The following USP35 variants were observed in gnomAD, a reference collection of about 807,000 sequenced individuals.
USP35 encodes the protein ubiquitin specific peptidase 35.
In USP35, 69 loss-of-function variants were observed where a neutral mutation model predicts 83.8. The observed-to-expected ratio is 0.82, with a 90% CI of 0.68 to 1.01. USP35 has a LOEUF of 1.01. Among genes scored for constraint, USP35 ranks in the 50% least tolerant of loss-of-function variants. The pLI is 0.00. For synonymous variants in USP35, 714 were observed against 589.5 expected (o/e 1.21, Z -3.06); for missense variants, 1,503 against 1,362.5 (o/e 1.10, Z -1.62).
Position 78,196,891 on chromosome 11 carries a change from G to C in USP35, c.646G>C (p.Glu216Gln). ...QPAAILPCLK[E>Q]LFAVISCAEE... The stretch of plus-strand genomic sequence containing the variant: ...CGCCGCCATCCTGCCCTGCCTCAAA[G>C]AGCTGTTCGCAGTCATCTCCTGCGC... Residue 216 changes from glutamate to glutamine, a missense_variant, in exon 2 of 11, where the codon GAG becomes CAG. Glu to Gln is a conservative substitution (Grantham distance 29, BLOSUM62 2). Transcript: ENST00000529308. This position sits in a 1 kb window ranked among gnomAD's most constrained non-coding sequence, Gnocchi z 4.8. 1 of 1,473,598 alleles carries C rather than the reference G, an allele frequency of 6.8e-7. No individual in the cohort carries two copies. Among genetic ancestry groups the C allele is most frequent in the Non-Finnish European group, 9.0e-7 (1 of 1,115,916 alleles). 91.3% of individuals were successfully genotyped at this position (1,473,598 alleles called of 1,614,324 possible).
At chr11:78,207,807 G>T (rs1466898417) in intron 8 of USP35, among the ~76,000 whole-genome samples, 184 bp downstream of exon 8, 2 of 152,230 alleles carry the variant, frequency 1.3e-5, no homozygotes, top group Non-Finnish European at 2.9e-5. Flanking sequence ...GAGAAGGCGG[G>T]CCCCCTTGAG....
chr11:78,214,063 A>G lies in USP35; in HGVS notation c.*250A>G, dbSNP rs544005208. ...TTAACTTGAAGCAGCCGAGATGGGC[A>G]CACACGGGTCTTTGCCTCCCCCTCC... On this transcript the variant is annotated 3_prime_UTR_variant, in exon 11 of 11. Coordinates refer to ENST00000529308, the MANE Select transcript of USP35 (RefSeq NM_020798.4). The G allele has an allele frequency of 3.7e-5, 15 of 403,532 alleles. No individual in the cohort carries two copies. Among genetic ancestry groups the G allele is most frequent in the African/African-American group, 2.9e-4 (14 of 47,924 alleles). 25.0% of individuals were successfully genotyped at this position (403,532 alleles called of 1,614,324 possible). A position where few individuals can be genotyped will look rare whatever the true frequency, so the allele number is the denominator to read the frequency against.
Position 78,209,829 on chromosome 11 carries a change from C to T in USP35, c.1974C>T (p.Tyr658=). 6.2e-7 allele frequency: 1 copy of T among 1,613,488 alleles called. No homozygotes were observed. Among genetic ancestry groups the T allele is most frequent in the Middle Eastern group, 1.6e-4 (1 of 6,062 alleles). ...ITEDTPPTSL[Y]IEGLDSKEAG... Reference sequence around the variant, plus strand: ...AGGACACCCCCCCCACCAGCCTGTACATCGAAGGCCTGGACTCCAAGGAAG... The same window carrying T: ...AGGACACCCCCCCCACCAGCCTGTATATCGAAGGCCTGGACTCCAAGGAAG... Residue 658 remains tyrosine, a synonymous_variant, in exon 10 of 11, where the codon TAC becomes TAT. Transcript: ENST00000529308.
Position 78,196,261 on chromosome 11 carries a change from G to C in USP35, c.16G>C (p.Glu6Gln), listed in dbSNP as rs755091791. Residue 6 changes from glutamate (E) to glutamine (Q), a missense_variant, in exon 2 of 11, where the codon GAG (glutamate) becomes CAG (glutamine). Coordinates refer to ENST00000529308, the MANE Select transcript of USP35 (RefSeq NM_020798.4). This position sits in a 1 kb window ranked among gnomAD's most constrained non-coding sequence, Gnocchi z 4.8. MDKIL[E>Q]AVVTSSYPVS... is the part of the protein sequence containing the mutation. Reference sequence around the variant, plus strand: ...CGCGGGCGCCATGGACAAGATCTTGGAGGCGGTGGTGACGTCGTCATACCC... The same window carrying C: ...CGCGGGCGCCATGGACAAGATCTTGCAGGCGGTGGTGACGTCGTCATACCC... The C allele has an allele frequency of 9.4e-6, 15 of 1,594,786 alleles. No homozygotes were observed. Among genetic ancestry groups the C allele is most frequent in the Non-Finnish European group, 1.3e-5 (15 of 1,177,556 alleles).
At chr11:78,232,296 CT>C in the USP35 span, among the ~76,000 whole-genome samples, 1 of 152,184 alleles carries the variant, frequency 6.6e-6, no homozygotes, top group African/African-American at 2.4e-5. Context: ...AATTTCACTC[CT>C]AGTAACCCTC....
the USP35 span, chr11:78,226,756 A>T: frequency 3.1e-6 from 5 of 1,613,434 alleles, no homozygotes; most frequent in African/African-American, 5.4e-5. Flanking sequence ...AGGTCCCCGA[A>T]CTCCCTGCAC....
At chr11:78,220,378 C>T in the USP35 span, 47 of 1,612,622 alleles carry the variant, frequency 2.9e-5, no homozygotes, top group Non-Finnish European at 3.6e-5. Context: ...TCAACGCTGC[C>T]GGTGCTCTTC....
In USP35 at chr11:78,207,552, T is replaced by C; in HGVS notation, c.1414T>C (p.Leu472=). The C allele has an allele frequency of 6.2e-7, 1 of 1,614,204 alleles. No individual in the cohort carries two copies. Among genetic ancestry groups the C allele is most frequent in the East Asian group, 2.2e-5 (1 of 44,884 alleles). ...AAGCTTCAGACATTGTGTGCTCCGCTTGACTGAGAACAACTCACAGCCCCT... is the reference window on the plus strand; with the variant it reads ...AAGCTTCAGACATTGTGTGCTCCGCCTGACTGAGAACAACTCACAGCCCCT... ...ASDFRHCVLR[L]TENNSQPLMT... is the part of the protein sequence containing the mutation. The change falls in exon 8 of 11, where the codon TTG becomes CTG. Residue 472 remains leucine, a synonymous_variant. Coordinates refer to ENST00000529308, the MANE Select transcript of USP35 (RefSeq NM_020798.4).
At chr11:78,229,345 G>A in the USP35 span, among the ~76,000 whole-genome samples, 1 of 152,160 alleles carries the variant, frequency 6.6e-6, no homozygotes, top group Non-Finnish European at 1.5e-5. Flanking sequence ...ACATTAGAAG[G>A]CAGGGCTGAG....
the USP35 span, among the ~76,000 whole-genome samples, chr11:78,235,178 A>T: frequency 6.6e-6 from 1 of 151,866 alleles, no homozygotes; most frequent in South Asian, 2.1e-4. Flanking sequence ...TTTGAGACAG[A>T]GTCTCACTCT....
rs549903348 is a variant in USP35, at chr11:78,200,814, C to T, written c.1197+6C>T. 1.1e-5 allele frequency: 18 copies of T among 1,597,610 alleles called. No individual in the cohort carries two copies. The highest frequency in any genetic ancestry group is 1.1e-4 in the South Asian group (10 of 89,828). ...CTGTCATGGAGGCCATCAAGGTGAG[C>T]GACAGTCCCCTACTTGGGCCTTGCC... On this transcript the variant is annotated splice_donor_region_variant and intron_variant, in intron 6 of 10. Transcript: ENST00000529308.
At chr11:78,231,336 G>GGTGTGTGTGTGTGT in the USP35 span, among the ~76,000 whole-genome samples, 3,445 of 145,838 alleles carry the variant, frequency 0.024, 96 homozygotes, top group African/African-American at 0.058. Context: ...GCGCGTGTGT[G>GGTGTGTGTGTGTGT]GTGTGTGTGT....
Position 78,196,205 on chromosome 11 carries a change from G to T in USP35, c.-10-31G>T. 6.4e-7 allele frequency: 1 copy of T among 1,553,600 alleles called. No individual in the cohort carries two copies. The highest frequency in any genetic ancestry group is 1.2e-5 in the South Asian group (1 of 86,496). On this transcript the variant is annotated intron_variant, in intron 1 of 10. Transcript: ENST00000529308. The surrounding 1 kb of genome is among the most constrained non-coding windows in gnomAD (Gnocchi z 4.8). Reference sequence around the variant, plus strand: ...GGAACTCTTGAGCCCCGCGGTTGTCGGGCTGTGACCTCATTCCCTGTCCTC... The same window carrying T: ...GGAACTCTTGAGCCCCGCGGTTGTCTGGCTGTGACCTCATTCCCTGTCCTC...
At chr11:78,212,420 T>C (rs533130518) in intron 10 of USP35, among the ~76,000 whole-genome samples, 167 of 151,926 alleles carry the variant, frequency 1.1e-3, no homozygotes, top group Admixed American at 2.1e-3. Context: ...CTTGGCTATA[T>C]GGACTTTTTG....
Position 78,207,579 on chromosome 11 carries a change from A to G in USP35, c.1441A>G (p.Met481Val). The change falls in exon 8 of 11, where the codon ATG (methionine) becomes GTG (valine). Residue 481 changes from methionine (M) to valine (V), a missense_variant. By Grantham distance (21) the Met-to-Val change is conservative (BLOSUM62 1). Transcript: ENST00000529308. ...GACTGAGAACAACTCACAGCCCCTGATGACCAAGCTGCAGTGGCTCTTTGG... is the reference window on the plus strand; with the variant it reads ...GACTGAGAACAACTCACAGCCCCTGGTGACCAAGCTGCAGTGGCTCTTTGG... ...RLTENNSQPL[M>V]TKLQWLFGFL... 6.2e-7 allele frequency: 1 copy of G among 1,614,180 alleles called. No homozygotes were observed. The highest frequency in any genetic ancestry group is 8.5e-7 in the Non-Finnish European group (1 of 1,180,020).
rs993798463 is a variant in USP35, at chr11:78,196,851, G to A, written c.606G>A (p.Leu202=). ...AGGTGAGCGGGCTCCTGGCGCAGCT[G>A]TGGCGCGCACAGCCCGCCGCCATCC... is the stretch of plus-strand genomic sequence containing the variant. The part of the protein sequence containing the change: ...AQQVSGLLAQ[L]WRAQPAAILP... The change falls in exon 2 of 11, where the codon CTG becomes CTA. Residue 202 remains leucine (L), a synonymous_variant. Transcript: ENST00000529308. The surrounding 1 kb of genome is among the most constrained non-coding windows in gnomAD (Gnocchi z 4.8). 4.6e-6 allele frequency: 7 copies of A among 1,517,600 alleles called. No homozygotes were observed. The highest frequency in any genetic ancestry group is 5.3e-6 in the Non-Finnish European group (6 of 1,137,680). 94.0% of individuals were successfully genotyped at this position (1,517,600 alleles called of 1,614,324 possible).
chr11:78,214,044 TGAAGCAGCCGA>T lies in USP35; in HGVS notation c.*234_*244del. ...TTACACCCAAGTGTCCTGGTTAACT[TGAAGCAGCCGA>T]GATGGGCACACACGGGTCTTTGCCT... On this transcript the variant is annotated 3_prime_UTR_variant, in exon 11 of 11. Coordinates refer to ENST00000529308, the MANE Select transcript of USP35 (RefSeq NM_020798.4). 2.3e-6 allele frequency: 1 copy of T among 436,764 alleles called. No individual in the cohort carries two copies. The highest frequency in any genetic ancestry group is 5.6e-5 in the South Asian group (1 of 17,814). The allele number at this position is 436,764 out of a possible 1,614,324, so 27.1% of individuals were successfully genotyped here.
chr11:78,230,270 C>G, the USP35 span, among the ~76,000 whole-genome samples: 1 of 152,226 alleles, frequency 6.6e-6, no homozygotes, highest in Admixed American at 6.5e-5. Context: ...TCCAACTTCC[C>G]TCTACCCCGG....
the USP35 span, chr11:78,220,503 A>G: frequency 6.8e-7 from 1 of 1,469,178 alleles, no homozygotes; most frequent in African/African-American, 1.4e-5. Context: ...CCCACCACCC[A>G]GAAAAACACC....
Sources: allele counts gnomAD v4.1 joint callset (sites outside exome capture counted in the v4.1 genomes callset), GRCh38; gene constraint gnomAD v4.1.1; non-coding constraint Gnocchi (gnomAD v3.1); transcripts MANE v1.5; gene names NCBI Gene and HGNC (gene_info 2026-07-23, HGNC 2026-07-21).